PRTFDC1: variants seen among roughly 807,000 people sequenced by gnomAD.
PRTFDC1 encodes the protein phosphoribosyl transferase domain containing 1.
PRTFDC1 carries 38 observed loss-of-function variants against 34.6 expected under a neutral mutation model. That is an observed-to-expected ratio of 1.10 (90% confidence interval 0.85 to 1.44). The LOEUF (loss-of-function observed/expected upper bound fraction) is 1.44, where lower values mean the gene tolerates loss of function less well. Among genes scored for constraint, PRTFDC1 ranks in the 40% most tolerant of loss-of-function variants. The pLI, the probability that PRTFDC1 is intolerant of heterozygous loss-of-function variation, is 0.00. For synonymous variants in PRTFDC1, 93 were observed against 98.1 expected (o/e 0.95, Z 0.31); for missense variants, 270 against 283.0 (o/e 0.95, Z 0.33).
At chr10:24,950,484 G>C (rs1015127573) in intron 1 of PRTFDC1, among the ~76,000 whole-genome samples, 1 of 152,108 alleles carries the variant, frequency 6.6e-6, no homozygotes, top group African/African-American at 2.4e-5. Context: ...TGCTCAACTT[G>C]TACTATATTT....
intron 3 of PRTFDC1, among the ~76,000 whole-genome samples, chr10:24,918,563 A>C (rs949864959): frequency 6.6e-6 from 1 of 151,874 alleles, no homozygotes; most frequent in Non-Finnish European, 1.5e-5. Flanking sequence ...CTACAGATGC[A>C]TACCACCATG....
At position 24,862,478 on chromosome 10, in the gene PRTFDC1, G is replaced by C. The variant is rs1278772577; in HGVS notation, c.406-4069C>G. On this transcript the variant is annotated intron_variant, in intron 4 of 8. Transcript: ENST00000320152. ...CAACCTCTGCCTCTTGGGTTCAAGT[G>C]ATTCTACTGCCTCAGCCTCCCGAGT... is the stretch of plus-strand genomic sequence containing the variant. Among the ~76,000 whole-genome samples the C allele has an allele frequency of 3.3e-5, 5 of 151,652 alleles. No homozygotes were observed. The East Asian group carries it at 9.7e-4, about 29-fold the overall frequency.
At chr10:24,881,609 A>G (rs1848080283) in intron 3 of PRTFDC1, among the ~76,000 whole-genome samples, 1 of 152,198 alleles carries the variant, frequency 6.6e-6, no homozygotes, top group Admixed American at 6.5e-5. Context: ...ACTCCTTTCT[A>G]TAAAACCACC....
At chr10:24,946,241 A>G (rs1849248723) in intron 1 of PRTFDC1, among the ~76,000 whole-genome samples, 1 of 152,112 alleles carries the variant, frequency 6.6e-6, no homozygotes, top group Admixed American at 6.5e-5. Context: ...CTGTGATGTT[A>G]GGGAGATGAC....
At chr10:24,861,944 T>A (rs1420088306) in intron 4 of PRTFDC1, among the ~76,000 whole-genome samples, 5 of 151,992 alleles carry the variant, frequency 3.3e-5, no homozygotes, top group Non-Finnish European at 5.9e-5. Flanking sequence ...CAGCCGTGTA[T>A]TCATTCTTAT....
intron 3 of PRTFDC1, among the ~76,000 whole-genome samples, chr10:24,896,848 G>A (rs1374736997): frequency 2.0e-5 from 3 of 152,222 alleles, no homozygotes; most frequent in African/African-American, 7.2e-5. Context: ...GCCAAGGAGG[G>A]AGGATCCCTT....
chr10:24,860,649 T>C (rs1424724102), intron 4 of PRTFDC1, among the ~76,000 whole-genome samples: 2 of 152,146 alleles, frequency 1.3e-5, no homozygotes, highest in African/African-American at 2.4e-5. Flanking sequence ...ATTTTGTCCA[T>C]TTTTGAAGCA....
chr10:24,944,051 C>G (rs1240879505), intron 1 of PRTFDC1, among the ~76,000 whole-genome samples: 2 of 151,998 alleles, frequency 1.3e-5, no homozygotes, highest in African/African-American at 4.8e-5. Flanking sequence ...TTGCCGTGCA[C>G]CCCTTCATCC....
Position 24,872,005 on chromosome 10 carries a change from G to A in PRTFDC1, c.398C>T (p.Ala133Val), listed in dbSNP as rs745474690. 3 of 1,610,526 alleles carry A rather than the reference G, an allele frequency of 1.9e-6. No individual in the cohort carries two copies. The highest frequency in any genetic ancestry group is 2.5e-6 in the Non-Finnish European group (3 of 1,176,956). ...IIGGDDLSTL[A>V]GKNVLIVEDV... The stretch of plus-strand genomic sequence containing the variant: ...ACAGTTACATGAACAAACCTTTCCA[G>A]CCAGCGTTGAAAGATCATCGCCTCC... Residue 133 changes from alanine (A) to valine (V), a missense_variant, in exon 4 of 9, where the codon GCT (alanine) becomes GTT (valine). Transcript: ENST00000320152.
At chr10:24,853,719 G>T (rs10828709) in intron 7 of PRTFDC1, among the ~76,000 whole-genome samples, 50,611 of 151,954 alleles carry the variant, frequency 0.33, 9,834 homozygotes, top group Middle Eastern at 0.48. Context: ...ACTCACACTG[G>T]GAAAATGAGA....
chr10:24,875,020 T>C (rs2132516305), intron 3 of PRTFDC1, among the ~76,000 whole-genome samples: 1 of 152,302 alleles, frequency 6.6e-6, no homozygotes, highest in South Asian at 2.1e-4. Flanking sequence ...TGTTTCTCCT[T>C]CCACCATGAT....
chr10:24,931,210 C>CA (rs1311400640), intron 3 of PRTFDC1, among the ~76,000 whole-genome samples: 3 of 152,076 alleles, frequency 2.0e-5, no homozygotes, highest in Non-Finnish European at 4.4e-5. Context: ...CACAATATAT[C>CA]AAAATGTATA....
intron 3 of PRTFDC1, among the ~76,000 whole-genome samples, chr10:24,889,669 A>G (rs561642470): frequency 1.1e-4 from 17 of 152,242 alleles, no homozygotes; most frequent in Non-Finnish European, 1.3e-4. Flanking sequence ...AGACTTCTCC[A>G]GGTCTCAAAT....
chr10:24,871,088 A>G (rs1356746623), intron 4 of PRTFDC1, among the ~76,000 whole-genome samples: 1 of 151,482 alleles, frequency 6.6e-6, no homozygotes, highest in Non-Finnish European at 1.5e-5. Context: ...AAAAAAAAAA[A>G]AAGTCCTTGT....
At chr10:24,898,692 G>A (rs1275501154) in intron 3 of PRTFDC1, among the ~76,000 whole-genome samples, 1 of 152,068 alleles carries the variant, frequency 6.6e-6, no homozygotes, top group Non-Finnish European at 1.5e-5. Context: ...AAAATTCCAA[G>A]AAAGACTTGA....
At chr10:24,900,776 AG>A (rs1848437159) in intron 3 of PRTFDC1, among the ~76,000 whole-genome samples, 2 of 152,232 alleles carry the variant, frequency 1.3e-5, no homozygotes, top group Non-Finnish European at 2.9e-5. Context: ...GTTTATATTT[AG>A]AATTAAAAAA....
intron 2 of PRTFDC1, among the ~76,000 whole-genome samples, chr10:24,940,881 T>A (rs1849144081): frequency 6.6e-6 from 1 of 152,166 alleles, no homozygotes; most frequent in Non-Finnish European, 1.5e-5. Context: ...ATGCTGGAAG[T>A]GGGAGCAGGG....
intron 3 of PRTFDC1, among the ~76,000 whole-genome samples, chr10:24,876,683 G>T (rs952854360): frequency 6.6e-6 from 1 of 150,900 alleles, no homozygotes; most frequent in Non-Finnish European, 1.5e-5. Flanking sequence ...GACAGAGCGA[G>T]ACTCCATCTC....
intron 3 of PRTFDC1, among the ~76,000 whole-genome samples, chr10:24,935,521 A>G (rs1849035627): frequency 6.6e-6 from 1 of 152,208 alleles, no homozygotes; most frequent in Non-Finnish European, 1.5e-5. Flanking sequence ...ACTGAGAGTC[A>G]CATGAGGAAT....
Sources: gnomAD v4.1 joint callset for allele counts (sites outside exome capture counted in the v4.1 genomes callset) on GRCh38, gnomAD v4.1.1 for gene constraint, MANE v1.5 for transcripts, NCBI Gene and HGNC (gene_info 2026-07-23, HGNC 2026-07-21) for gene names.